The following TMTC4 variants were observed in gnomAD, a reference collection of about 807,000 sequenced individuals.
TMTC4 encodes transmembrane O-mannosyltransferase targeting cadherins 4.
TMTC4 carries 65 observed loss-of-function variants against 86.0 expected under a neutral mutation model. That is an observed-to-expected ratio of 0.76 (90% confidence interval 0.62 to 0.93). The LOEUF is 0.93. Ranked by LOEUF, TMTC4 falls within the 40% of genes least tolerant of loss-of-function variation. The probability of loss-of-function intolerance (pLI) is 0.00; values close to 1 mark genes in which losing one functional copy is unlikely to be tolerated. For synonymous variants in TMTC4, 379 were observed against 382.5 expected (o/e 0.99, Z 0.11); for missense variants, 866 against 948.1 (o/e 0.91, Z 1.14).
intron 15 of TMTC4, among the ~76,000 whole-genome samples, chr13:100,616,002 T>C (rs569648826): frequency 2.0e-5 from 3 of 152,294 alleles, no homozygotes; most frequent in African/African-American, 7.2e-5. Flanking sequence ...TTTCTGTTCC[T>C]GGATTTATTT....
At chr13:100,671,277 A>T (rs1237608458) in intron 1 of TMTC4, among the ~76,000 whole-genome samples, 1 of 152,138 alleles carries the variant, frequency 6.6e-6, no homozygotes, top group East Asian at 1.9e-4. Context: ...GGACTATAGG[A>T]GTGTGCCACT....
chr13:100,633,705 A>AGGAG (rs1318622504), intron 12 of TMTC4, among the ~76,000 whole-genome samples: 1 of 152,240 alleles, frequency 6.6e-6, no homozygotes, highest in Non-Finnish European at 1.5e-5. Context: ...TAGATGGTAA[A>AGGAG]GCCTACTATA....
rs1876262811 is a variant in TMTC4 at position 100,604,374 on chromosome 13, C to T, written c.*620G>A. ...CACAAGTCAGAGCATCCAAAAACTG[C>T]AAGAGTCAATTTCTTCCTATGGGGA... On this transcript the variant is annotated 3_prime_UTR_variant, in exon 19 of 19. Coordinates refer to ENST00000342624, the MANE Select transcript of TMTC4 (RefSeq NM_032813.5). 1 of 152,476 alleles carries T rather than the reference C, an allele frequency of 6.6e-6. No homozygotes were observed. Among genetic ancestry groups the T allele is most frequent in the African/African-American group, 2.4e-5 (1 of 41,428 alleles). 9.4% of individuals were successfully genotyped at this position (152,476 alleles called of 1,614,324 possible).
rs954886130 is a variant in TMTC4 at position 100,603,644 on chromosome 13, T to G, written c.*1350A>C. Among the ~76,000 whole-genome samples, 4 of 152,178 alleles carry G rather than the reference T, an allele frequency of 2.6e-5. No homozygotes were observed. The highest frequency in any genetic ancestry group is 2.6e-4 in the Admixed American group (4 of 15,282). On this transcript the variant is annotated 3_prime_UTR_variant, in exon 19 of 19. Coordinates refer to ENST00000342624, the MANE Select transcript of TMTC4 (RefSeq NM_032813.5). Reference sequence around the variant, plus strand: ...GAAATATTTTAAACACAGCACTTTATTTCTTGATACATTTCAAACACCAGA... The same window carrying G: ...GAAATATTTTAAACACAGCACTTTAGTTCTTGATACATTTCAAACACCAGA...
chr13:100,632,045 ACACACACACTCTCTCTCTCT>A (rs1412258230), intron 12 of TMTC4, among the ~76,000 whole-genome samples: 6 of 65,108 alleles, frequency 9.2e-5, no homozygotes, highest in African/African-American at 2.2e-4. Flanking sequence ...ACACACACAC[ACACACACACTCTCTCTCTCT>A]CTCTCTCTCT....
intron 6 of TMTC4, among the ~76,000 whole-genome samples, chr13:100,653,015 T>A (rs1884643491): frequency 1.3e-5 from 2 of 152,192 alleles, no homozygotes; most frequent in African/African-American, 4.8e-5. Flanking sequence ...ACCCATGGCT[T>A]TTCATGAACA....
At chr13:100,674,527 C>T in intron 1 of TMTC4, 1 of 980,186 alleles carries the variant, frequency 1.0e-6, no homozygotes, top group Non-Finnish European at 1.2e-6. Context: ...CGCCCTTTGT[C>T]CCATGTGCGG....
chr13:100,623,614 T>C (rs544180500), intron 15 of TMTC4, among the ~76,000 whole-genome samples: 6 of 151,314 alleles, frequency 4.0e-5, no homozygotes, highest in Non-Finnish European at 8.8e-5. Context: ...TCTGGATGCA[T>C]GTCAGTTTTG....
Position 100,647,141 on chromosome 13 carries a change from C to T in TMTC4, c.641-4830G>A, listed in dbSNP as rs570714074. 3.9e-5 allele frequency among the ~76,000 whole-genome samples: 6 copies of T among 152,318 alleles called. No homozygotes were observed. In the South Asian group the frequency reaches 8.3e-4, roughly 21 times the overall value. ...TCAGTCTCGGTACAGCCTCTCTTCC[C>T]GTGACACATGTTCCTGAGTCTGGGT... On this transcript the variant is annotated intron_variant, in intron 6 of 18. Transcript: ENST00000342624.
At chr13:100,625,706 A>G (rs372144225) in intron 14 of TMTC4, 30 bp from the exon 15 acceptor site, 1 of 1,611,674 alleles carries the variant, frequency 6.2e-7, no homozygotes, top group Non-Finnish European at 8.5e-7. Context: ...AAAGATAAAC[A>G]AGAAGATGAA....
Position 100,626,070 on chromosome 13 carries a change from C to A in TMTC4, c.1586+1G>T. On this transcript the variant is annotated splice_donor_variant, in intron 13 of 18. Coordinates refer to ENST00000342624, the MANE Select transcript of TMTC4 (RefSeq NM_032813.5). LOFTEE classifies it high-confidence loss of function. The stretch of plus-strand genomic sequence containing the variant: ...TCTTCTGTAAGACATACTCGCCATA[C>A]CTTACAGCTTCCCGGTAGTATCTGA... 6.2e-7 allele frequency: 1 copy of A among 1,614,204 alleles called. No individual in the cohort carries two copies. The highest frequency in any genetic ancestry group is 1.1e-5 in the South Asian group (1 of 91,076).
rs1441617080 is a variant in TMTC4 at position 100,663,161 on chromosome 13, C to T, written c.355G>A (p.Gly119Arg). 1.9e-6 allele frequency: 3 copies of T among 1,614,126 alleles called. No homozygotes were observed. The highest frequency in any genetic ancestry group is 2.5e-6 in the Non-Finnish European group (3 of 1,180,022). Residue 119 changes from glycine (G) to arginine (R), a missense_variant, in exon 5 of 19, where the codon GGA becomes AGA. By Grantham distance (125) the Gly-to-Arg change is moderately radical. Transcript: ENST00000342624. ...LTFRINYYLSGGFHPVGFHVV... is the reference protein window; with the variant it reads ...LTFRINYYLSRGFHPVGFHVV... ...TGAAAGCCCACGGGGTGGAAGCCTCCCGAGAGGTAGTAGTTAATCCTGCAG... is the reference window on the plus strand; with the variant it reads ...TGAAAGCCCACGGGGTGGAAGCCTCTCGAGAGGTAGTAGTTAATCCTGCAG...
chr13:100,606,452 G>A (rs747850199), intron 17 of TMTC4, 25 bp from the exon 18 acceptor site: 3 of 1,592,752 alleles, frequency 1.9e-6, no homozygotes, highest in Non-Finnish European at 1.7e-6. Flanking sequence ...ACATAAAAAG[G>A]AAGATATTTA....
intron 1 of TMTC4, chr13:100,674,376 G>A: frequency 1.0e-6 from 1 of 966,006 alleles, no homozygotes; most frequent in Non-Finnish European, 1.2e-6. Context: ...CTCCGGGGAC[G>A]CGCCGCAGGC....
At chr13:100,642,834 G>A (rs1429728626) in intron 6 of TMTC4, among the ~76,000 whole-genome samples, 2 of 152,148 alleles carry the variant, frequency 1.3e-5, no homozygotes, top group African/African-American at 4.8e-5. Flanking sequence ...TGCTCCCTGT[G>A]TGGAACAGCT....
Position 100,642,319 on chromosome 13 carries a change from T to A in TMTC4, c.641-8A>T. The A allele has an allele frequency of 1.2e-6, 2 of 1,614,112 alleles. No individual in the cohort carries two copies. The highest frequency in any genetic ancestry group is 2.2e-5 in the East Asian group (1 of 44,880). On this transcript the variant is annotated splice_polypyrimidine_tract_variant and splice_region_variant and intron_variant, in intron 6 of 18. Transcript: ENST00000342624. Reference sequence around the variant, plus strand: ...GCGCTCCCTCCTTGTTACCTGCCAATTAAGAGAAATGATCAGTGCAAAAGT... The same window carrying A: ...GCGCTCCCTCCTTGTTACCTGCCAAATAAGAGAAATGATCAGTGCAAAAGT...
chr13:100,664,274 C>T lies in TMTC4; in HGVS notation c.282G>A (p.Leu94=). 1.2e-6 allele frequency: 2 copies of T among 1,612,482 alleles called. No individual in the cohort carries two copies. Among genetic ancestry groups the T allele is most frequent in the Non-Finnish European group, 1.7e-6 (2 of 1,179,250 alleles). ...LWHHDFWGSR[L]SSNTSHKSYR... The stretch of plus-strand genomic sequence containing the variant: ...AGGACTTGTGGCTGGTGTTGCTGCT[C>T]AGTCTACTGCCCCAGAAGTCATGAT... Residue 94 remains leucine (L), a synonymous_variant, in exon 4 of 19, where the codon CTG becomes CTA. Coordinates refer to ENST00000342624, the MANE Select transcript of TMTC4 (RefSeq NM_032813.5).
At chr13:100,670,607 C>G (rs1447384398) in intron 1 of TMTC4, 38 bp from the exon 2 acceptor site, 1 of 454,616 alleles carries the variant, frequency 2.2e-6, no homozygotes, top group African/African-American at 2.0e-5. Context: ...AGACCCCAAC[C>G]TCTATGCTTA....
intron 6 of TMTC4, 86 bp from the exon 7 acceptor site, chr13:100,642,397 A>T (rs1457082317): frequency 1.4e-6 from 2 of 1,416,084 alleles, no homozygotes; most frequent in African/African-American, 2.8e-5. Context: ...CTAAGCAAAT[A>T]CCTTAAACAA....
Sources: gnomAD v4.1 joint callset for allele counts (sites outside exome capture counted in the v4.1 genomes callset) on GRCh38, gnomAD v4.1.1 for gene constraint, MANE v1.5 for transcripts, NCBI Gene and HGNC (gene_info 2026-07-23, HGNC 2026-07-21) for gene names.